The following ARSD variants were observed in gnomAD, a reference collection of about 807,000 sequenced individuals.
ARSD encodes arylsulfatase D.
A neutral mutation model predicts 32.6 loss-of-function variants in ARSD; 21 were observed. That is an observed-to-expected ratio of 0.64 (90% confidence interval 0.46 to 0.93). ARSD has a LOEUF of 0.93. Ranked by LOEUF, ARSD falls within the 40% of genes least tolerant of loss-of-function variation. The pLI is 0.00. For synonymous variants in ARSD, 224 were observed against 237.4 expected (o/e 0.94, Z 0.52); for missense variants, 454 against 520.9 (o/e 0.87, Z 1.25).
intron 2 of ARSD, among the ~76,000 whole-genome samples, chrX:2,924,026 G>A (rs1345011298): frequency 8.9e-6 from 1 of 112,329 alleles, no homozygotes; most frequent in Non-Finnish European, 1.9e-5. Flanking sequence ...TGGACAGGGG[G>A]CAGATTGATT....
chrX:2,918,455 G>C (rs916040070), intron 4 of ARSD, among the ~76,000 whole-genome samples: 20 of 112,843 alleles, frequency 1.8e-4, no homozygotes, highest in Non-Finnish European at 2.4e-4. Flanking sequence ...AGTGATTAAA[G>C]GTTTAAGACT....
At position 2,905,783 on chromosome X, in the gene ARSD, T is replaced by C. The variant is rs2088848103; in HGVS notation, c.*1488A>G. On this transcript the variant is annotated 3_prime_UTR_variant, in exon 10 of 10. Transcript: ENST00000381154. ...TTCCTGCTGACCAACCTAATTCTGG[T>C]TTCATACAGGGCAGCCAGGTGCCCA... is the stretch of plus-strand genomic sequence containing the variant. The C allele has an allele frequency of 8.9e-6, 1 of 112,829 alleles. No individual in the cohort carries two copies. The highest frequency in any genetic ancestry group is 3.6e-4 in the South Asian group (1 of 2,766). 9.3% of individuals were successfully genotyped at this position (112,829 alleles called of 1,213,427 possible). A position where few individuals can be genotyped will look rare whatever the true frequency, so the allele number is the denominator to read the frequency against.
chrX:2,907,796 C>G lies in ARSD; in HGVS notation c.1421-164G>C, dbSNP rs766922176. 5.8e-6 allele frequency: 6 copies of G among 1,032,610 alleles called. No homozygotes were observed. The East Asian group carries it at 1.8e-4, about 31-fold the overall frequency. The allele number at this position is 1,032,610 out of a possible 1,213,427, so 85.1% of individuals were successfully genotyped here. A position where few individuals can be genotyped will look rare whatever the true frequency, so the allele number is the denominator to read the frequency against. On this transcript the variant is annotated intron_variant, in intron 9 of 9. Coordinates refer to ENST00000381154, the MANE Select transcript of ARSD (RefSeq NM_001669.4). ...AATCACAGCCTTCAGCTTGCAAAGT[C>G]AGAGCATGTGTGTGTGCGCGCGTGC...
rs2088855685 is a variant in ARSD at position 2,906,946 on chromosome X, C to A, written c.*325G>T. 1 of 178,415 alleles carries A rather than the reference C, an allele frequency of 5.6e-6. No individual in the cohort carries two copies. The allele number at this position is 178,415 out of a possible 1,213,427, so 14.7% of individuals were successfully genotyped here. A position where few individuals can be genotyped will look rare whatever the true frequency, so the allele number is the denominator to read the frequency against. On this transcript the variant is annotated 3_prime_UTR_variant, in exon 10 of 10. Coordinates refer to ENST00000381154, the MANE Select transcript of ARSD (RefSeq NM_001669.4). Reference sequence around the variant, plus strand: ...GCAACATGGTGAAACCCTGTCTCTACTAAAACTACAAAAATTAGCTAGGCA... The same window carrying A: ...GCAACATGGTGAAACCCTGTCTCTAATAAAACTACAAAAATTAGCTAGGCA...
intron 4 of ARSD, chrX:2,920,377 T>A: frequency 2.6e-6 from 1 of 378,422 alleles, no homozygotes; most frequent in East Asian, 4.8e-5. Context: ...TTTTTTTTTT[T>A]TTTTATTCTT....
At chrX:2,925,125 C>T (rs934187999) in intron 2 of ARSD, among the ~76,000 whole-genome samples, 8 of 112,543 alleles carry the variant, frequency 7.1e-5, no homozygotes, top group East Asian at 2.8e-4. Flanking sequence ...TGTTTGCAAA[C>T]GTCATCAACA....
At chrX:2,911,119 C>T (rs2088897354) in intron 6 of ARSD, among the ~76,000 whole-genome samples, 1 of 112,298 alleles carries the variant, frequency 8.9e-6, no homozygotes, top group Admixed American at 9.4e-5. Context: ...CACCTGTAAT[C>T]TCAGCACTTT....
intron 1 of ARSD, among the ~76,000 whole-genome samples, chrX:2,927,362 C>T (rs934978528): frequency 5.4e-5 from 6 of 110,725 alleles, no homozygotes; most frequent in Non-Finnish European, 9.4e-5. Context: ...AGGGTTCAAG[C>T]GATTCTCCTG....
rs900199525 is a variant in ARSD, at chrX:2,926,549, G to A, written c.45-784C>T. Among the ~76,000 whole-genome samples, 11 of 111,456 alleles carry A rather than the reference G, an allele frequency of 9.9e-5. No homozygotes were observed. The Admixed American group carries it at 1.1e-3, about 11-fold the overall frequency. ...CAGTCAGTGCTGAAACAGTTGTTAC[G>A]GAGGCCTGCATTAGTGAGACCTGGC... On this transcript the variant is annotated intron_variant, in intron 1 of 9. Transcript: ENST00000381154.
At chrX:2,909,683 C>CA (rs751282477) in intron 8 of ARSD, 134 bp downstream of exon 8, 9,693 of 278,231 alleles carry the variant, frequency 0.035, 10 homozygotes, top group Non-Finnish European at 0.038. Flanking sequence ...GACTCTGTCT[C>CA]AAAAAAAAAA....
rs1289787299 is a variant in ARSD, at chrX:2,904,980, C to T, written c.*2291G>A. On this transcript the variant is annotated 3_prime_UTR_variant, in exon 10 of 10. Coordinates refer to ENST00000381154, the MANE Select transcript of ARSD (RefSeq NM_001669.4). Reference sequence around the variant, plus strand: ...TGTCCCTCCAGATCCCTCTCCAGCCCTAGAAACCTGAGCTCTATAAATGTT... The same window carrying T: ...TGTCCCTCCAGATCCCTCTCCAGCCTTAGAAACCTGAGCTCTATAAATGTT... 2 of 334,426 alleles carry T rather than the reference C, an allele frequency of 6.0e-6. No homozygotes were observed. Among genetic ancestry groups the T allele is most frequent in the Non-Finnish European group, 1.2e-5 (2 of 168,064 alleles). The allele number at this position is 334,426 out of a possible 1,213,427, so 27.6% of individuals were successfully genotyped here.
chrX:2,925,450 C>A (rs1476904218), intron 2 of ARSD, among the ~76,000 whole-genome samples, 166 bp downstream of exon 2: 1 of 112,574 alleles, frequency 8.9e-6, no homozygotes, highest in African/African-American at 3.2e-5. Context: ...ACATTCACCC[C>A]CTCACCGCAG....
intron 6 of ARSD, among the ~76,000 whole-genome samples, chrX:2,912,525 G>T (rs73437523): frequency 3.0e-3 from 338 of 111,549 alleles, no homozygotes; most frequent in Middle Eastern, 0.014. Flanking sequence ...CAGGCCACTT[G>T]TCACTCATAT....
rs1421242052 is a variant in ARSD at position 2,907,238 on chromosome X, G to A, written c.*33C>T. 8.6e-7 allele frequency: 1 copy of A among 1,162,481 alleles called. No individual in the cohort carries two copies. Among genetic ancestry groups the A allele is most frequent in the East Asian group, 3.0e-5 (1 of 33,386 alleles). On this transcript the variant is annotated 3_prime_UTR_variant, in exon 10 of 10. Transcript: ENST00000381154. ...AGAATTTTGTTTGCAACGCAGTCAG[G>A]CTCTCCTGGATCCTCTCTCACAGTC...
In ARSD at chrX:2,920,515, C is replaced by T. The variant is rs112103082; in HGVS notation, c.439+86G>A. ...CCTCCTAAGTAGCTGGGACTACAGG[C>T]GTGCGCCACCACGCCTGGCCTGGGA... On this transcript the variant is annotated intron_variant, in intron 4 of 9. Coordinates refer to ENST00000381154, the MANE Select transcript of ARSD (RefSeq NM_001669.4). 8.7e-3 allele frequency: 10,150 copies of T among 1,173,248 alleles called. 517 individuals carry two copies. The African/African-American group carries it at 0.15, about 17-fold the overall frequency.
chrX:2,919,391 A>G (rs1019409342), intron 4 of ARSD, among the ~76,000 whole-genome samples: 3 of 106,904 alleles, frequency 2.8e-5, no homozygotes, highest in Non-Finnish European at 5.8e-5. Context: ...TCTCATGTGT[A>G]TGACGGGGAC....
intron 8 of ARSD, 124 bp downstream of exon 8, chrX:2,909,683 CAAAAAAAAAA>C: frequency 3.5e-6 from 1 of 285,968 alleles, no homozygotes; most frequent in Non-Finnish European, 4.8e-6. Context: ...GACTCTGTCT[CAAAAAAAAAA>C]AAAAAAAAAA....
intron 4 of ARSD, among the ~76,000 whole-genome samples, chrX:2,918,547 G>A (rs1209892506): frequency 9.0e-6 from 1 of 110,666 alleles, no homozygotes; most frequent in African/African-American, 3.3e-5. Context: ...TCAGGAAATC[G>A]AGACCATCCT....
At position 2,909,877 on chromosome X, in the gene ARSD, C is replaced by A. The variant is rs2088887762; in HGVS notation, c.1238G>T (p.Ser413Ile). 1 of 1,208,293 alleles carries A rather than the reference C, an allele frequency of 8.3e-7. No homozygotes were observed. Among genetic ancestry groups the A allele is most frequent in the South Asian group, 1.8e-5 (1 of 56,625 alleles). ...CACAGTAGGGAACACGTCCATCAGG[C>A]TCGTGGGCTCTCCAATCACTCGGCC... ...PAGRVIGEPTSLMDVFPTVVQ... is the reference protein window; with the variant it reads ...PAGRVIGEPTILMDVFPTVVQ... Residue 413 changes from serine to isoleucine, a missense_variant, in exon 8 of 10, where the codon AGC becomes ATC. Ser to Ile is a moderately radical substitution (Grantham distance 142). Coordinates refer to ENST00000381154, the MANE Select transcript of ARSD (RefSeq NM_001669.4).
Sources: allele counts gnomAD v4.1 joint callset (sites outside exome capture counted in the v4.1 genomes callset), GRCh38; gene constraint gnomAD v4.1.1; transcripts MANE v1.5; gene names NCBI Gene and HGNC (gene_info 2026-07-23, HGNC 2026-07-21).